The following MTAP variants were observed in gnomAD, a reference collection of about 807,000 sequenced individuals.
MTAP encodes the protein methylthioadenosine phosphorylase.
In MTAP, 33 loss-of-function variants were observed where a neutral mutation model predicts 33.6. The ratio of observed to expected loss-of-function variants is 0.98; its 90% confidence interval spans 0.74 to 1.31. MTAP has a LOEUF of 1.31. Among genes scored for constraint, MTAP ranks in the 40% most tolerant of loss-of-function variants. The pLI is 0.00. For missense variants in MTAP, 367 were observed against 360.0 expected (o/e 1.02, Z -0.16); for synonymous variants, 148 against 125.7 (o/e 1.18, Z -1.19).
intron 5 of MTAP, among the ~76,000 whole-genome samples, chr9:21,850,060 C>G (rs1313285924): frequency 6.6e-6 from 1 of 152,176 alleles, no homozygotes; most frequent in African/African-American, 2.4e-5. Flanking sequence ...AGAACTTGAT[C>G]GCTTTTTGCT....
In MTAP at chr9:21,837,959, A is replaced by T. The variant is rs201264519; in HGVS notation, c.399A>T (p.Arg133Ser). The change falls in exon 5 of 8, where the codon AGA becomes AGT. Residue 133 changes from arginine to serine, a missense_variant. Arg to Ser is a moderately radical substitution (Grantham distance 110). Coordinates refer to ENST00000644715, the MANE Select transcript of MTAP (RefSeq NM_002451.4). ...SFYDGSHSCA[R>S]GVCHIPMAEP... ...ATGATGGAAGTCATTCTTGTGCCAG[A>T]GGAGTGTGCCATATTCCAATGGCTG... 2.5e-6 allele frequency: 4 copies of T among 1,614,144 alleles called. No individual in the cohort carries two copies. Among genetic ancestry groups the T allele is most frequent in the Admixed American group, 3.3e-5 (2 of 60,024 alleles).
intron 1 of MTAP, among the ~76,000 whole-genome samples, chr9:21,875,976 A>C (rs917602688): frequency 1.3e-5 from 2 of 152,264 alleles, no homozygotes; most frequent in East Asian, 3.9e-4. Flanking sequence ...TGGTTAAACT[A>C]ATTTCCACTC....
intron 1 of MTAP, among the ~76,000 whole-genome samples, chr9:21,924,590 C>T (rs956434857): frequency 2.6e-5 from 4 of 152,246 alleles, no homozygotes; most frequent in Non-Finnish European, 5.9e-5. Flanking sequence ...CATAATCATG[C>T]TGCCCCATCT....
At chr9:21,858,224 C>T (rs537801519) in intron 6 of MTAP, among the ~76,000 whole-genome samples, 2 of 152,280 alleles carry the variant, frequency 1.3e-5, no homozygotes, top group South Asian at 2.1e-4. Context: ...GTAATCCCTT[C>T]GGCTGTGGAC....
Position 21,816,696 on chromosome 9 carries a change from T to C in MTAP, c.121-18T>C. 1 of 1,606,148 alleles carries C rather than the reference T, an allele frequency of 6.2e-7. No individual in the cohort carries two copies. Among genetic ancestry groups the C allele is most frequent in the Non-Finnish European group, 8.5e-7 (1 of 1,176,694 alleles). On this transcript the variant is annotated intron_variant, in intron 2 of 7. Transcript: ENST00000644715. ...TTTTAAATCACTGAGTTAAATGTCATTTTTTCATTGCATGCAGCCATCTGA... is the reference window on the plus strand; with the variant it reads ...TTTTAAATCACTGAGTTAAATGTCACTTTTTCATTGCATGCAGCCATCTGA...
chr9:21,803,292 G>A (rs970572109), intron 1 of MTAP: 7 of 230,484 alleles, frequency 3.0e-5, no homozygotes, highest in African/African-American at 1.1e-4. Context: ...TGGGAGAACT[G>A]CTTACTTGCT....
intron 1 of MTAP, among the ~76,000 whole-genome samples, chr9:21,927,308 A>C (rs1344490124): frequency 6.6e-6 from 1 of 152,170 alleles, no homozygotes; most frequent in Admixed American, 6.5e-5. Context: ...CTTTTACCCA[A>C]GGAGGCCCTC....
chr9:21,854,618 TTTTC>T lies in MTAP; in HGVS notation c.451-9_451-6del. On this transcript the variant is annotated splice_polypyrimidine_tract_variant and intron_variant, in intron 5 of 7. Coordinates refer to ENST00000644715, the MANE Select transcript of MTAP (RefSeq NM_002451.4). Reference sequence around the variant, plus strand: ...GCTAGTATGTTTTGAAGTTTCTGGTTTTTCTTTTCTAGGTTCTTATAGAGACTGC... The same window carrying T: ...GCTAGTATGTTTTGAAGTTTCTGGTTTTTTCTAGGTTCTTATAGAGACTGC... The T allele has an allele frequency of 6.5e-7, 1 of 1,528,436 alleles. No individual in the cohort carries two copies. The allele number at this position is 1,528,436 out of a possible 1,614,324, so 94.7% of individuals were successfully genotyped here.
intron 1 of MTAP, among the ~76,000 whole-genome samples, chr9:21,923,387 C>T (rs746943006): frequency 6.6e-6 from 1 of 152,148 alleles, no homozygotes; most frequent in Non-Finnish European, 1.5e-5. Flanking sequence ...GTTAGCACCC[C>T]CTTTGGGAGG....
chr9:21,897,121 G>A (rs1702561582), intron 1 of MTAP, among the ~76,000 whole-genome samples: 1 of 152,098 alleles, frequency 6.6e-6, no homozygotes, highest in Admixed American at 6.6e-5. Context: ...CAGAACCAAA[G>A]ACAAAAACTA....
intron 1 of MTAP, among the ~76,000 whole-genome samples, chr9:21,910,133 T>C (rs185515117): frequency 6.6e-6 from 1 of 152,298 alleles, no homozygotes; most frequent in East Asian, 1.9e-4. Context: ...CATTGTATAA[T>C]ATCTCCATAA....
chr9:21,886,979 ATGG>A (rs1198030940), intron 1 of MTAP, among the ~76,000 whole-genome samples: 1 of 152,090 alleles, frequency 6.6e-6, no homozygotes, highest in Non-Finnish European at 1.5e-5. Flanking sequence ...GTGAAGAATG[ATGG>A]TGGTATATTG....
chr9:21,929,918 C>A, intron 1 of MTAP: 2 of 400,596 alleles, frequency 5.0e-6, no homozygotes. Flanking sequence ...AGATTCTAAC[C>A]AACAGACTGA....
In MTAP at chr9:21,848,380, G is replaced by A. The variant is rs527472325; in HGVS notation, c.451-6251G>A. 2.4e-4 allele frequency among the ~76,000 whole-genome samples: 36 copies of A among 152,306 alleles called. No homozygotes were observed. The East Asian group carries it at 6.4e-3, about 27-fold the overall frequency. On this transcript the variant is annotated intron_variant, in intron 5 of 7. Transcript: ENST00000644715. Reference sequence around the variant, plus strand: ...ATGGGAATGGATACTAAGGGTGTGGGATAATGGTGGAAGGAAAATGGAGTT... The same window carrying A: ...ATGGGAATGGATACTAAGGGTGTGGAATAATGGTGGAAGGAAAATGGAGTT...
At chr9:21,874,011 A>T (rs1825971591) in intron 1 of MTAP, among the ~76,000 whole-genome samples, 1 of 152,154 alleles carries the variant, frequency 6.6e-6, no homozygotes, top group Non-Finnish European at 1.5e-5. Context: ...ACTCAGTCTT[A>T]AAAACTCCAC....
At chr9:21,830,421 ATTTCTTT>A (rs1250633135) in intron 4 of MTAP, among the ~76,000 whole-genome samples, 2 of 152,188 alleles carry the variant, frequency 1.3e-5, no homozygotes, top group Non-Finnish European at 2.9e-5. Flanking sequence ...TGATTAATCC[ATTTCTTT>A]TAACTTGTAC....
Position 21,865,428 on chromosome 9 carries a change from G to C in MTAP, c.*3414G>C. 1 of 984,308 alleles carries C rather than the reference G, an allele frequency of 1.0e-6. No individual in the cohort carries two copies. The highest frequency in any genetic ancestry group is 1.2e-6 in the Non-Finnish European group (1 of 828,928). 61.0% of individuals were successfully genotyped at this position (984,308 alleles called of 1,614,324 possible). A position where few individuals can be genotyped will look rare whatever the true frequency, so the allele number is the denominator to read the frequency against. ...TGGGCAGTCCTTTACAGCAGCATGA[G>C]AATGGACTAATACACTCCTCAAATG... On this transcript the variant is annotated 3_prime_UTR_variant, in exon 8 of 8. Coordinates refer to ENST00000644715, the MANE Select transcript of MTAP (RefSeq NM_002451.4).
intron 1 of MTAP, among the ~76,000 whole-genome samples, chr9:21,918,213 A>G (rs200508877): frequency 1.4e-5 from 2 of 142,068 alleles, no homozygotes; most frequent in Non-Finnish European, 3.0e-5. Flanking sequence ...AGCCGGGCGT[A>G]GTGGCGGGCG....
intron 1 of MTAP, among the ~76,000 whole-genome samples, chr9:21,924,450 A>G (rs1393894239): frequency 6.6e-6 from 1 of 152,244 alleles, no homozygotes; most frequent in African/African-American, 2.4e-5. Flanking sequence ...TAAATTTTTA[A>G]TATGCTCTAT....
Sources: allele counts gnomAD v4.1 joint callset (sites outside exome capture counted in the v4.1 genomes callset), GRCh38; gene constraint gnomAD v4.1.1; transcripts MANE v1.5; gene names NCBI Gene and HGNC (gene_info 2026-07-23, HGNC 2026-07-21).